Variants in ZNF804A observed in about 807,000 individuals in gnomAD.
The protein encoded by ZNF804A is zinc finger protein 804A.
In ZNF804A, 2 loss-of-function variants were observed where a neutral mutation model predicts 16.5. The observed-to-expected ratio is 0.12, with a 90% CI of 0.05 to 0.38. ZNF804A has a LOEUF of 0.38. ZNF804A is among the 10% of genes least tolerant of loss of function. The pLI is 0.99. For synonymous variants in ZNF804A, 534 were observed against 489.6 expected (o/e 1.09, Z -1.20); for missense variants, 1,473 against 1,390.7 (o/e 1.06, Z -0.94).
In ZNF804A at chr2:184,926,755, A is replaced by G. The variant is rs973056034; in HGVS notation, c.256-6848A>G. Among the ~76,000 whole-genome samples, 6 of 152,138 alleles carry G rather than the reference A, an allele frequency of 3.9e-5. 2 individuals carry two copies. In the South Asian group the frequency reaches 1.2e-3, roughly 32 times the overall value. On this transcript the variant is annotated intron_variant, in intron 2 of 3. Coordinates refer to ENST00000302277, the MANE Select transcript of ZNF804A (RefSeq NM_194250.2). ...TTTTAAATAGCCTATCTTCAAGCTC[A>G]CTAATTTTTTCTTCTGATAGATCAA...
intron 1 of ZNF804A, among the ~76,000 whole-genome samples, chr2:184,672,654 G>T (rs1692354534): frequency 6.6e-6 from 1 of 151,850 alleles, no homozygotes; most frequent in Non-Finnish European, 1.5e-5. Context: ...TAGTAGTTTT[G>T]TGAGAACAAG....
chr2:184,601,739 G>A (rs901293601), intron 1 of ZNF804A, among the ~76,000 whole-genome samples: 9 of 151,468 alleles, frequency 5.9e-5, no homozygotes, highest in South Asian at 4.1e-4. Flanking sequence ...TAATAATATC[G>A]CAAATGTTTT....
chr2:184,751,436 A>G (rs1212743518), intron 1 of ZNF804A, among the ~76,000 whole-genome samples: 1 of 151,562 alleles, frequency 6.6e-6, no homozygotes, highest in African/African-American at 2.4e-5. Flanking sequence ...ATAGGGTAAG[A>G]GTTCTGGGCA....
At chr2:184,881,357 T>C (rs1429147330) in intron 2 of ZNF804A, among the ~76,000 whole-genome samples, 2 of 147,844 alleles carry the variant, frequency 1.4e-5, no homozygotes, top group South Asian at 2.1e-4. Context: ...CAGAATATCA[T>C]CCATGAAAAT....
intron 1 of ZNF804A, among the ~76,000 whole-genome samples, chr2:184,860,002 C>G (rs563620576): frequency 6.6e-6 from 1 of 152,170 alleles, no homozygotes; most frequent in East Asian, 1.9e-4. Context: ...GAAAATGGAG[C>G]CTTAACTCCA....
At chr2:184,746,232 G>T (rs1331190282) in intron 1 of ZNF804A, among the ~76,000 whole-genome samples, 1 of 151,384 alleles carries the variant, frequency 6.6e-6, no homozygotes, top group African/African-American at 2.4e-5. Flanking sequence ...TACACAATAA[G>T]TCATTGGTAA....
intron 1 of ZNF804A, among the ~76,000 whole-genome samples, chr2:184,837,131 G>A (rs72905736): frequency 0.011 from 1,739 of 151,928 alleles, 20 homozygotes; most frequent in Non-Finnish European, 0.021. Context: ...TTACCATAGC[G>A]CTTACATTAC....
intron 1 of ZNF804A, among the ~76,000 whole-genome samples, chr2:184,709,721 A>G (rs527564469): frequency 2.0e-5 from 3 of 151,320 alleles, no homozygotes; most frequent in African/African-American, 7.2e-5. Flanking sequence ...TTTTGCATAT[A>G]CTTTTTTAAA....
chr2:184,617,494 G>GT (rs1361720743), intron 1 of ZNF804A, among the ~76,000 whole-genome samples: 1 of 151,728 alleles, frequency 6.6e-6, no homozygotes, highest in Non-Finnish European at 1.5e-5. Context: ...AATGCAAGGT[G>GT]TTTTTACAAA....
At chr2:184,875,526 C>G (rs1696041313) in intron 2 of ZNF804A, among the ~76,000 whole-genome samples, 1 of 152,200 alleles carries the variant, frequency 6.6e-6, no homozygotes, top group East Asian at 1.9e-4. Context: ...AGATGCTGCC[C>G]TCATGTTTCT....
chr2:184,933,618 A>C lies in ZNF804A; in HGVS notation c.271A>C (p.Lys91Gln), dbSNP rs1422781770. 6.2e-7 allele frequency: 1 copy of C among 1,601,178 alleles called. No individual in the cohort carries two copies. Among genetic ancestry groups the C allele is most frequent in the South Asian group, 1.1e-5 (1 of 87,942 alleles). ...TTTTTAACAGAGGCTCAAGGAACTG[A>C]AACAAAGGGAATTTGCTCGAAATGT... ...HAHKQRLKEL[K>Q]QREFARNVAS... The change falls in exon 3 of 4, where the codon AAA becomes CAA. Residue 91 changes from lysine (K) to glutamine (Q), a missense_variant. By Grantham distance (53) the Lys-to-Gln change is moderately conservative. Coordinates refer to ENST00000302277, the MANE Select transcript of ZNF804A (RefSeq NM_194250.2).
chr2:184,824,168 A>T (rs964436805), intron 1 of ZNF804A, among the ~76,000 whole-genome samples: 1 of 152,158 alleles, frequency 6.6e-6, no homozygotes, highest in Non-Finnish European at 1.5e-5. Context: ...AGTGAGACAC[A>T]GCTGGTTATG....
chr2:184,671,657 G>A (rs72899950), intron 1 of ZNF804A, among the ~76,000 whole-genome samples: 1 of 152,092 alleles, frequency 6.6e-6, no homozygotes, highest in Non-Finnish European at 1.5e-5. Context: ...ACTTGATATT[G>A]ATTGAATAAA....
At chr2:184,805,759 G>T (rs766116392) in intron 1 of ZNF804A, among the ~76,000 whole-genome samples, 9 of 151,994 alleles carry the variant, frequency 5.9e-5, no homozygotes, top group Non-Finnish European at 7.4e-5. Flanking sequence ...TGAGGAGTTT[G>T]AGATTTTGAC....
At chr2:184,930,111 T>C (rs1328238113) in intron 2 of ZNF804A, among the ~76,000 whole-genome samples, 1 of 152,096 alleles carries the variant, frequency 6.6e-6, no homozygotes, top group African/African-American at 2.4e-5. Flanking sequence ...TTTAACAGAG[T>C]GACTGCTGCT....
intron 1 of ZNF804A, among the ~76,000 whole-genome samples, chr2:184,720,424 A>G (rs539873447): frequency 1.8e-4 from 27 of 152,306 alleles, no homozygotes; most frequent in African/African-American, 3.8e-4. Context: ...AGGATACAAA[A>G]TCAACATACA....
chr2:184,866,677 C>A (rs1574248172), intron 2 of ZNF804A, among the ~76,000 whole-genome samples, 165 bp downstream of exon 2: 1 of 147,786 alleles, frequency 6.8e-6, no homozygotes. Context: ...ACAGCAAAAT[C>A]CTTTTTTTTT....
At chr2:184,817,797 T>G (rs1436526670) in intron 1 of ZNF804A, among the ~76,000 whole-genome samples, 3 of 151,648 alleles carry the variant, frequency 2.0e-5, no homozygotes, top group Admixed American at 6.6e-5. Flanking sequence ...TGAACAGAGG[T>G]AAGAATTACA....
chr2:184,795,381 G>T (rs995362633), intron 1 of ZNF804A, among the ~76,000 whole-genome samples: 1 of 151,368 alleles, frequency 6.6e-6, no homozygotes, highest in Non-Finnish European at 1.5e-5. Context: ...AATGGCAATA[G>T]TGACACAACC....
Sources: gnomAD v4.1 joint callset for allele counts (sites outside exome capture counted in the v4.1 genomes callset) on GRCh38, gnomAD v4.1.1 for gene constraint, MANE v1.5 for transcripts, NCBI Gene and HGNC (gene_info 2026-07-23, HGNC 2026-07-21) for gene names.